PLCE1: variants seen among roughly 807,000 people sequenced by gnomAD.
PLCE1 encodes phospholipase C epsilon 1.
A neutral mutation model predicts 242.8 loss-of-function variants in PLCE1; 119 were observed. The ratio of observed to expected loss-of-function variants is 0.49; its 90% CI spans 0.42 to 0.57. The LOEUF is 0.57. PLCE1 is among the 20% of genes least tolerant of loss of function. The probability of loss-of-function intolerance (pLI) is 0.00; values close to 1 mark genes in which losing one functional copy is unlikely to be tolerated. For synonymous variants in PLCE1, 945 were observed against 1,017.4 expected, an observed-to-expected ratio of 0.93 and a Z score of 1.35; for missense variants, 2,441 against 2,788.8, an observed-to-expected ratio of 0.88 and a Z score of 2.81.
At chr10:94,032,333 A>G (rs2061576383) in intron 2 of PLCE1, 81 bp downstream of exon 2, 1 of 1,269,722 alleles carries the variant, frequency 7.9e-7, no homozygotes, top group Non-Finnish European at 1.1e-6. Flanking sequence ...CATTGTCATA[A>G]TTGATGAGAA....
intron 2 of PLCE1, among the ~76,000 whole-genome samples, chr10:94,125,990 C>T (rs2046425492): frequency 6.6e-6 from 1 of 152,124 alleles, no homozygotes; most frequent in South Asian, 2.1e-4. Context: ...TGAATTACCC[C>T]AGCTCTTTTC....
chr10:94,314,055 C>T (rs993135570), intron 28 of PLCE1, among the ~76,000 whole-genome samples: 1 of 152,176 alleles, frequency 6.6e-6, no homozygotes, highest in Non-Finnish European at 1.5e-5. Context: ...GTGCCACCTC[C>T]GCCCTAGATC....
At chr10:94,071,469 TG>T (rs1311704169) in intron 2 of PLCE1, among the ~76,000 whole-genome samples, 2 of 151,436 alleles carry the variant, frequency 1.3e-5, no homozygotes, top group African/African-American at 4.9e-5. Context: ...CCTCGGGTTT[TG>T]TCTGTGTGTG....
At chr10:94,290,230 A>T (rs1440585951) in intron 22 of PLCE1, among the ~76,000 whole-genome samples, 2 of 150,746 alleles carry the variant, frequency 1.3e-5, no homozygotes, top group East Asian at 1.9e-4. Flanking sequence ...GGGTCTCACT[A>T]TGTTGCCCAA....
intron 3 of PLCE1, among the ~76,000 whole-genome samples, chr10:94,135,787 T>G (rs1286607218): frequency 6.6e-6 from 1 of 152,208 alleles, no homozygotes; most frequent in Non-Finnish European, 1.5e-5. Flanking sequence ...ATAATTTTAT[T>G]AAAGATGAGT....
At chr10:94,308,965 C>G (rs1167050489) in intron 27 of PLCE1, among the ~76,000 whole-genome samples, 1 of 152,200 alleles carries the variant, frequency 6.6e-6, no homozygotes, top group African/African-American at 2.4e-5. Flanking sequence ...TGAGGTCACA[C>G]AGCTAGCAAG....
chr10:94,274,055 G>C (rs572697002), intron 19 of PLCE1, among the ~76,000 whole-genome samples: 1 of 144,116 alleles, frequency 6.9e-6, no homozygotes, highest in Non-Finnish European at 1.5e-5. Flanking sequence ...CCTTTAGGGA[G>C]AGTCCCCTTA....
At chr10:94,199,433 G>C (rs2048924672) in intron 4 of PLCE1, among the ~76,000 whole-genome samples, 1 of 152,192 alleles carries the variant, frequency 6.6e-6, no homozygotes, top group Admixed American at 6.5e-5. Context: ...TTGTTGTAAA[G>C]ATAGAAACAG....
intron 19 of PLCE1, among the ~76,000 whole-genome samples, chr10:94,278,800 G>A (rs1018302349): frequency 2.6e-5 from 4 of 151,700 alleles, no homozygotes; most frequent in Non-Finnish European, 5.9e-5. Flanking sequence ...TATTTATATA[G>A]TGTATATATT....
intron 4 of PLCE1, among the ~76,000 whole-genome samples, chr10:94,187,144 ATATG>A (rs1187436198): frequency 2.4e-5 from 3 of 125,856 alleles, no homozygotes; most frequent in African/African-American, 3.5e-5. Context: ...GATGAAACAT[ATATG>A]TGTGTGTGTG....
At chr10:94,189,262 A>C (rs1590211669) in intron 4 of PLCE1, among the ~76,000 whole-genome samples, 1 of 148,538 alleles carries the variant, frequency 6.7e-6, no homozygotes, top group South Asian at 2.1e-4. Flanking sequence ...TAGATATATA[A>C]TATTAATATA....
chr10:94,189,051 C>T (rs563881033), intron 4 of PLCE1, among the ~76,000 whole-genome samples: 41 of 149,924 alleles, frequency 2.7e-4, no homozygotes, highest in African/African-American at 1.0e-3. Context: ...TTCAAATACC[C>T]TTTTGCAGCT....
At chr10:94,180,254 A>G (rs2048270801) in intron 4 of PLCE1, among the ~76,000 whole-genome samples, 1 of 152,154 alleles carries the variant, frequency 6.6e-6, no homozygotes, top group South Asian at 2.1e-4. Flanking sequence ...TGATTTCAAT[A>G]TGTGTAAAAA....
chr10:94,259,949 G>A (rs1353948574), intron 13 of PLCE1, among the ~76,000 whole-genome samples: 2 of 152,138 alleles, frequency 1.3e-5, no homozygotes, highest in African/African-American at 4.8e-5. Context: ...CAGATCTCAT[G>A]AGACTTATTC....
chr10:94,297,875 A>G (rs1169803042), intron 23 of PLCE1, among the ~76,000 whole-genome samples: 4 of 151,972 alleles, frequency 2.6e-5, no homozygotes, highest in Non-Finnish European at 5.9e-5. Context: ...GTTGTTTCCT[A>G]TGAAAAACAA....
At chr10:94,196,009 C>T (rs1169162804) in intron 4 of PLCE1, among the ~76,000 whole-genome samples, 1 of 152,136 alleles carries the variant, frequency 6.6e-6, no homozygotes, top group African/African-American at 2.4e-5. Flanking sequence ...ATCCCAGCCA[C>T]ATTGTTTATA....
chr10:94,274,255 T>G (rs2133181163), intron 19 of PLCE1, among the ~76,000 whole-genome samples: 1 of 152,280 alleles, frequency 6.6e-6, no homozygotes, highest in South Asian at 2.1e-4. Context: ...TACAGAACAC[T>G]GAGTCCATTT....
At chr10:94,143,200 C>G (rs530793994) in intron 3 of PLCE1, among the ~76,000 whole-genome samples, 2 of 152,178 alleles carry the variant, frequency 1.3e-5, no homozygotes, top group Non-Finnish European at 2.9e-5. Flanking sequence ...TATGAAACTT[C>G]TGTTGTTTTT....
chr10:94,001,922 A>G (rs894262652), intron 1 of PLCE1, among the ~76,000 whole-genome samples: 1 of 152,218 alleles, frequency 6.6e-6, no homozygotes, highest in Non-Finnish European at 1.5e-5. Context: ...CAAAGGCAGA[A>G]TGAATTTGGA....
Sources: allele counts gnomAD v4.1 joint callset (sites outside exome capture counted in the v4.1 genomes callset), GRCh38; gene constraint gnomAD v4.1.1; transcripts MANE v1.5; gene names NCBI Gene and HGNC (gene_info 2026-07-23, HGNC 2026-07-21).